Variants in PRRG3 observed in about 807,000 individuals in gnomAD.
The protein encoded by PRRG3 is transmembrane gamma-carboxyglutamic acid protein 3.
A neutral mutation model predicts 15.8 loss-of-function variants in PRRG3; 21 were observed. The ratio of observed to expected loss-of-function variants is 1.33; its 90% confidence interval spans 0.94 to 1.92. The LOEUF (loss-of-function observed/expected upper bound fraction) is 1.92, where lower values mean the gene tolerates loss of function less well. PRRG3 is among the 40% of genes most tolerant of loss of function. PRRG3 has a pLI of 0.00. For missense variants in PRRG3, 251 were observed against 200.2 expected (o/e 1.25, Z -1.53); for synonymous variants, 125 against 84.1 (o/e 1.49, Z -2.66).
At position 151,701,299 on chromosome X, in the gene PRRG3, C is replaced by T. The variant is rs2014881187; in HGVS notation, c.*266C>T. On this transcript the variant is annotated 3_prime_UTR_variant, in exon 4 of 4. Transcript: ENST00000674457. ...GGATGACCCCCAAGCCTCCAACATC[C>T]TGTCTTTCCATCAGGAACTGGCTTC... 2 of 269,880 alleles carry T rather than the reference C, an allele frequency of 7.4e-6. No individual in the cohort carries two copies. Among genetic ancestry groups the T allele is most frequent in the Non-Finnish European group, 6.6e-6 (1 of 152,614 alleles). The allele number at this position is 269,880 out of a possible 1,213,427, so 22.2% of individuals were successfully genotyped here.
In PRRG3 at chrX:151,702,640, C is replaced by T. The variant is rs1031496912; in HGVS notation, c.*1607C>T. On this transcript the variant is annotated 3_prime_UTR_variant, in exon 4 of 4. Transcript: ENST00000674457. The stretch of plus-strand genomic sequence containing the variant: ...ATAAGGGAGCAGTCTTAGCTGAGGC[C>T]CTCATATGCCTCTGATGTTGAGTCT... 1.8e-5 allele frequency: 2 copies of T among 112,362 alleles called. No homozygotes were observed. Among genetic ancestry groups the T allele is most frequent in the Non-Finnish European group, 3.8e-5 (2 of 53,224 alleles). The allele number at this position is 112,362 out of a possible 1,213,427, so 9.3% of individuals were successfully genotyped here.
chrX:151,700,774 C>T lies in PRRG3; in HGVS notation c.437C>T (p.Ser146Phe), dbSNP rs1250881724. ...RGTVHSQGEPSGHREAANSPQ... is the reference protein window; with the variant it reads ...RGTVHSQGEPFGHREAANSPQ... Reference sequence around the variant, plus strand: ...ACTGTGCATAGCCAAGGGGAGCCTTCTGGGCACCGAGAGGCAGCGAACAGC... The same window carrying T: ...ACTGTGCATAGCCAAGGGGAGCCTTTTGGGCACCGAGAGGCAGCGAACAGC... The change falls in exon 4 of 4, where the codon TCT (serine) becomes TTT (phenylalanine). Residue 146 changes from serine to phenylalanine, a missense_variant. By Grantham distance (155) the Ser-to-Phe change is radical. Coordinates refer to ENST00000674457, the MANE Select transcript of PRRG3 (RefSeq NM_001372163.1). 1 of 1,199,107 alleles carries T rather than the reference C, an allele frequency of 8.3e-7. No homozygotes were observed.
intron 3 of PRRG3, 112 bp downstream of exon 3, chrX:151,700,268 G>T (rs2014843104): frequency 1.7e-6 from 2 of 1,188,342 alleles, no homozygotes; most frequent in East Asian, 6.0e-5. Context: ...CCAGCCTAAG[G>T]CATAGCCACT....
rs772095446 is a variant in PRRG3 at position 151,695,940 on chromosome X, G to C, written c.-32+396G>C. On this transcript the variant is annotated intron_variant, in intron 1 of 3. Coordinates refer to ENST00000674457, the MANE Select transcript of PRRG3 (RefSeq NM_001372163.1). Reference sequence around the variant, plus strand: ...AGAAGTGGTTTGGAGGCCATGTCTTGGGACACCAGGTGCTCTGGTGGTCAC... The same window carrying C: ...AGAAGTGGTTTGGAGGCCATGTCTTCGGACACCAGGTGCTCTGGTGGTCAC... Among the ~76,000 whole-genome samples the C allele has an allele frequency of 2.8e-3, 313 of 111,510 alleles. 3 individuals are homozygous for C. The highest frequency in any genetic ancestry group is 4.4e-3 in the Non-Finnish European group (231 of 53,032).
chrX:151,698,684 G>T, intron 1 of PRRG3, 100 bp from the exon 2 acceptor site: 2 of 625,617 alleles, frequency 3.2e-6, no homozygotes, highest in South Asian at 5.9e-5. Flanking sequence ...TCAACCTTTT[G>T]ACCACGCCAG....
chrX:151,700,191 G>T (rs1318748600), intron 3 of PRRG3, 35 bp downstream of exon 3: 2 of 1,211,600 alleles, frequency 1.7e-6, no homozygotes, highest in African/African-American at 1.7e-5. Flanking sequence ...CTGGGAGTAG[G>T]AGTAGCCTCA....
intron 1 of PRRG3, among the ~76,000 whole-genome samples, chrX:151,696,608 T>G (rs1342015855): frequency 1.8e-5 from 2 of 111,530 alleles, no homozygotes; most frequent in African/African-American, 6.5e-5. Flanking sequence ...CACTGCAGTT[T>G]CCTTTGATAA....
At chrX:151,699,849 T>A (rs928716970) in intron 2 of PRRG3, 147 bp from the exon 3 acceptor site, 2 of 551,408 alleles carry the variant, frequency 3.6e-6, no homozygotes, top group Admixed American at 4.0e-5. Flanking sequence ...GGGCCGGCCA[T>A]GTCCTTTGAT....
intron 1 of PRRG3, chrX:151,698,330 A>G (rs190466665): frequency 2.5e-3 from 286 of 113,212 alleles, no homozygotes; most frequent in Non-Finnish European, 4.1e-3. Context: ...TGGTCCTGCC[A>G]CTGTCACTGT....
chrX:151,705,368 G>A lies in PRRG3; in HGVS notation c.*4335G>A, dbSNP rs1383065274. The A allele has an allele frequency of 5.8e-6, 2 of 343,174 alleles. No individual in the cohort carries two copies. The highest frequency in any genetic ancestry group is 1.2e-5 in the Non-Finnish European group (2 of 170,177). The allele number at this position is 343,174 out of a possible 1,213,427, so 28.3% of individuals were successfully genotyped here. On this transcript the variant is annotated 3_prime_UTR_variant, in exon 4 of 4. Transcript: ENST00000674457. ...ACTGTGGGCAGCGAGTCTCTCTCTA[G>A]CAAGAATTTATCTGACAAACATACC...
In PRRG3 at chrX:151,703,703, A is replaced by G. The variant is rs2124346477; in HGVS notation, c.*2670A>G. 9.1e-6 allele frequency: 1 copy of G among 110,432 alleles called. No individual in the cohort carries two copies. The highest frequency in any genetic ancestry group is 3.3e-5 in the African/African-American group (1 of 30,259). The allele number at this position is 110,432 out of a possible 1,213,427, so 9.1% of individuals were successfully genotyped here. On this transcript the variant is annotated 3_prime_UTR_variant, in exon 4 of 4. Coordinates refer to ENST00000674457, the MANE Select transcript of PRRG3 (RefSeq NM_001372163.1). ...AAGTTGTCACTGTTTGCCTCCTTGA[A>G]AAAGGCTTTGGAAGAAGACAAAGCA...
chrX:151,700,344 AC>A, intron 3 of PRRG3, 161 bp from the exon 4 acceptor site: 1 of 1,144,739 alleles, frequency 8.7e-7, no homozygotes, highest in Non-Finnish European at 1.2e-6. Context: ...GGTCCTCCTC[AC>A]TTGGGAGCAT....
At chrX:151,699,402 G>A (rs1219381224) in intron 2 of PRRG3, among the ~76,000 whole-genome samples, 1 of 112,274 alleles carries the variant, frequency 8.9e-6, no homozygotes, top group Non-Finnish European at 1.9e-5. Flanking sequence ...GGTGCTCTTA[G>A]GCTCGTGTAT....
chrX:151,696,854 A>G (rs1380959938), intron 1 of PRRG3, among the ~76,000 whole-genome samples: 1 of 111,990 alleles, frequency 8.9e-6, no homozygotes, highest in African/African-American at 3.2e-5. Flanking sequence ...TCTGTTGACA[A>G]ATTCACATGT....
At chrX:151,700,462 C>T (rs1330309147) in intron 3 of PRRG3, 44 bp from the exon 4 acceptor site, 2 of 1,150,771 alleles carry the variant, frequency 1.7e-6, no homozygotes, top group South Asian at 4.0e-5. Context: ...TCTGAGCCCA[C>T]CTGGAGCTTG....
chrX:151,700,219 C>A (rs773641891), intron 3 of PRRG3, 63 bp downstream of exon 3: 1 of 1,208,751 alleles, frequency 8.3e-7, no homozygotes, highest in South Asian at 1.8e-5. Context: ...CAAGAACAGG[C>A]CCTGGTAATG....
chrX:151,702,681 A>G lies in PRRG3; in HGVS notation c.*1648A>G, dbSNP rs2014905665. The G allele has an allele frequency of 8.9e-6, 1 of 111,958 alleles. No homozygotes were observed. The highest frequency in any genetic ancestry group is 3.3e-5 in the African/African-American group (1 of 30,754). 9.2% of individuals were successfully genotyped at this position (111,958 alleles called of 1,213,427 possible). A position where few individuals can be genotyped will look rare whatever the true frequency, so the allele number is the denominator to read the frequency against. On this transcript the variant is annotated 3_prime_UTR_variant, in exon 4 of 4. Transcript: ENST00000674457. ...TGTTGAGTCTCCACTTGGAGAGTCA[A>G]TCTCCCGTCAGTTGACCCTTTCCAT...
Position 151,701,239 on chromosome X carries a change from G to A in PRRG3, c.*206G>A, listed in dbSNP as rs755383065. ...GGACCACGCATGAGTCGAAGCCCCCGGGAAGAGCCAAAGGCCAAAGTGCCC... is the reference window on the plus strand; with the variant it reads ...GGACCACGCATGAGTCGAAGCCCCCAGGAAGAGCCAAAGGCCAAAGTGCCC... On this transcript the variant is annotated 3_prime_UTR_variant, in exon 4 of 4. Transcript: ENST00000674457. The A allele has an allele frequency of 2.1e-4, 69 of 325,907 alleles. No homozygotes were observed. The highest frequency in any genetic ancestry group is 3.5e-4 in the South Asian group (2 of 5,746). 26.9% of individuals were successfully genotyped at this position (325,907 alleles called of 1,213,427 possible). A position where few individuals can be genotyped will look rare whatever the true frequency, so the allele number is the denominator to read the frequency against.
At chrX:151,699,860 C>T in intron 2 of PRRG3, 136 bp from the exon 3 acceptor site, 1 of 623,924 alleles carries the variant, frequency 1.6e-6, no homozygotes, top group Non-Finnish European at 2.4e-6. Flanking sequence ...GTCCTTTGAT[C>T]AGAAGCCTGG....
Sources: allele counts gnomAD v4.1 joint callset (sites outside exome capture counted in the v4.1 genomes callset), GRCh38; gene constraint gnomAD v4.1.1; transcripts MANE v1.5; gene names NCBI Gene and HGNC (gene_info 2026-07-23, HGNC 2026-07-21).